Variants in SLC6A18 observed in about 807,000 individuals in gnomAD.
SLC6A18 encodes the protein solute carrier family 6 member 18, also known as inactive sodium-dependent neutral amino acid transporter B(0)AT3.
Under a neutral mutation model 62.9 loss-of-function variants are expected in SLC6A18, and 58 were observed. The ratio of observed to expected loss-of-function variants is 0.92; its 90% CI spans 0.75 to 1.15. The LOEUF (loss-of-function observed/expected upper bound fraction) is 1.15, where lower values mean the gene tolerates loss of function less well. Ranked by LOEUF, SLC6A18 falls within the 50% of genes most tolerant of loss-of-function variation. The pLI is 0.00. For missense variants in SLC6A18, 793 were observed against 836.6 expected (o/e 0.95, Z 0.64); for synonymous variants, 382 against 365.8 (o/e 1.04, Z -0.51).
At chr5:1,233,805 T>C (rs547701049) in intron 3 of SLC6A18, among the ~76,000 whole-genome samples, 2 of 150,708 alleles carry the variant, frequency 1.3e-5, no homozygotes, top group African/African-American at 2.4e-5. Flanking sequence ...GCAGTGGTGC[T>C]ATCTTGGCTC....
Position 1,246,152 on chromosome 5 carries a change from A to G in SLC6A18, c.*74A>G. 9.9e-7 allele frequency: 1 copy of G among 1,010,710 alleles called. No individual in the cohort carries two copies. Among genetic ancestry groups the G allele is most frequent in the Non-Finnish European group, 1.4e-6 (1 of 720,580 alleles). The allele number at this position is 1,010,710 out of a possible 1,614,324, so 62.6% of individuals were successfully genotyped here. A position where few individuals can be genotyped will look rare whatever the true frequency, so the allele number is the denominator to read the frequency against. ...CCTGATGGTGGGCGGGGCCCCGCCC[A>G]CAGGGCCGACCCCAATACACCAGCG... On this transcript the variant is annotated 3_prime_UTR_variant, in exon 12 of 12. Transcript: ENST00000324642.
intron 1 of SLC6A18, 112 bp downstream of exon 1, chr5:1,225,749 C>T: frequency 7.6e-7 from 1 of 1,324,090 alleles, no homozygotes; most frequent in Non-Finnish European, 1.0e-6. Context: ...AGTCACTCCT[C>T]CTGGAAACCA....
chr5:1,236,456 G>A (rs555845571), intron 4 of SLC6A18, among the ~76,000 whole-genome samples: 1 of 152,286 alleles, frequency 6.6e-6, no homozygotes, highest in South Asian at 2.1e-4. Flanking sequence ...TTTCAAAGAG[G>A]CTTAAATAAT....
At position 1,240,619 on chromosome 5, in the gene SLC6A18, G is replaced by C. The variant is rs1232896787; in HGVS notation, c.934G>C (p.Gly312Arg). The C allele has an allele frequency of 1.2e-6, 2 of 1,614,142 alleles. No homozygotes were observed. Among genetic ancestry groups the C allele is most frequent in the South Asian group, 2.2e-5 (2 of 91,084 alleles). ...GTCCATCGCTGTCTTCTCTGTCCTG[G>C]GGTTCAAAGCAACTAATGACTACGA... ...YASIAVFSVL[G>R]FKATNDYEHC... is the part of the protein sequence containing the mutation. Residue 312 changes from glycine (G) to arginine (R), a missense_variant, in exon 7 of 12, where the codon GGG becomes CGG. Gly to Arg is a moderately radical substitution (Grantham distance 125). Coordinates refer to ENST00000324642, the MANE Select transcript of SLC6A18 (RefSeq NM_182632.3).
chr5:1,239,635 T>A, intron 6 of SLC6A18, 73 bp downstream of exon 6: 1 of 1,165,132 alleles, frequency 8.6e-7, no homozygotes, highest in Admixed American at 1.7e-5. Flanking sequence ...GATCTCAGGA[T>A]CACACTGTGG....
chr5:1,243,545 T>A lies in SLC6A18; in HGVS notation c.1132-10T>A. On this transcript the variant is annotated splice_polypyrimidine_tract_variant and intron_variant, in intron 8 of 11. Coordinates refer to ENST00000324642, the MANE Select transcript of SLC6A18 (RefSeq NM_182632.3). The surrounding 1 kb of genome is among the most constrained non-coding windows in gnomAD (Gnocchi z 6.5). ...GCGTGGCCTGAAGCCCGGGGCTCCG[T>A]GTATTGCAGAGTGCCTCGGGCCCGG... The A allele has an allele frequency of 6.2e-7, 1 of 1,612,590 alleles. No homozygotes were observed.
chr5:1,244,305 T>C lies in SLC6A18; in HGVS notation c.1428T>C (p.Ala476=). 6.2e-7 allele frequency: 1 copy of C among 1,614,096 alleles called. No homozygotes were observed. Among genetic ancestry groups the C allele is most frequent in the Non-Finnish European group, 8.5e-7 (1 of 1,179,994 alleles). ...TGGAGATTTTCGACAATTTTGCCGCTTCCCCGAACCTGCTCATGTTGGCCT... is the reference window on the plus strand; with the variant it reads ...TGGAGATTTTCGACAATTTTGCCGCCTCCCCGAACCTGCTCATGTTGGCCT... ...YWLEIFDNFA[A]SPNLLMLAFL... The change falls in exon 10 of 12, where the codon GCT becomes GCC. Residue 476 remains alanine (A), a synonymous_variant. Transcript: ENST00000324642.
chr5:1,227,533 T>C (rs1341643449), intron 1 of SLC6A18, among the ~76,000 whole-genome samples: 1 of 152,248 alleles, frequency 6.6e-6, no homozygotes, highest in African/African-American at 2.4e-5. Flanking sequence ...GGATCACTCA[T>C]TGATGATTTT....
intron 5 of SLC6A18, among the ~76,000 whole-genome samples, chr5:1,238,307 A>AGGACTTTGGT (rs1746946976): frequency 9.3e-6 from 1 of 107,952 alleles, no homozygotes; most frequent in African/African-American, 3.7e-5. Flanking sequence ...GGCCTGGAGG[A>AGGACTTTGGT]CTCAGGAAAG....
intron 1 of SLC6A18, among the ~76,000 whole-genome samples, chr5:1,228,753 C>A (rs1265832779): frequency 6.6e-6 from 1 of 152,162 alleles, no homozygotes; most frequent in Non-Finnish European, 1.5e-5. Flanking sequence ...CTACTTGTAG[C>A]CCTGGCTACC....
At position 1,246,006 on chromosome 5, in the gene SLC6A18, A is replaced by AGACACGGACGCGCGCCCG. The variant is rs1561182336; in HGVS notation, c.1824_1825insGCGCGCCCGGACACGGAC (p.Ala603_Asp608dup). The AGACACGGACGCGCGCCCG allele has an allele frequency of 1.3e-6, 2 of 1,596,322 alleles. No homozygotes were observed. Among genetic ancestry groups the AGACACGGACGCGCGCCCG allele is most frequent in the Admixed American group, 1.7e-5 (1 of 59,330 alleles). The stretch of plus-strand genomic sequence containing the variant: ...CGTGGAGGGACAGGGACGCGCGCCC[A>AGACACGGACGCGCGCCCG]GACACGGACATGCGCCCGGACACGG... On this transcript the variant is annotated inframe_insertion, in exon 12 of 12. Transcript: ENST00000324642.
Position 1,237,296 on chromosome 5 carries a change from T to C in SLC6A18, c.622-654T>C, listed in dbSNP as rs115864788. Among the ~76,000 whole-genome samples the C allele has an allele frequency of 6.7e-3, 1,007 of 150,020 alleles. 20 individuals are homozygous for C. Among genetic ancestry groups the C allele is most frequent in the African/African-American group, 0.023 (928 of 40,598 alleles). ...CAGGTGATTCTGCAGTCAGTCTGTA[T>C]TGGGGGAACTGAGGAGAGGAGTGAG... On this transcript the variant is annotated intron_variant, in intron 4 of 11. Transcript: ENST00000324642.
Position 1,244,248 on chromosome 5 carries a change from C to G in SLC6A18, c.1371C>G (p.Thr457=), listed in dbSNP as rs1271057858. Residue 457 remains threonine (T), a synonymous_variant, in exon 10 of 12, where the codon ACC becomes ACG. Transcript: ENST00000324642. ...LVCLVCFLSA[T]CFTLQSGNYW... is the part of the protein sequence containing the mutation. Reference sequence around the variant, plus strand: ...GCCTGGTCTGCTTCCTCTCCGCCACCTGCTTCACGCTGCAGTCTGGGAACT... The same window carrying G: ...GCCTGGTCTGCTTCCTCTCCGCCACGTGCTTCACGCTGCAGTCTGGGAACT... 2.5e-6 allele frequency: 4 copies of G among 1,613,848 alleles called. No individual in the cohort carries two copies. The highest frequency in any genetic ancestry group is 1.3e-5 in the African/African-American group (1 of 74,868).
chr5:1,239,600 T>C (rs776725301), intron 6 of SLC6A18, 38 bp downstream of exon 6: 16 of 1,502,486 alleles, frequency 1.1e-5, no homozygotes, highest in African/African-American at 9.6e-5. Context: ...CAGGGAAGCT[T>C]TGGGGAGACG....
rs781203778 is a variant in SLC6A18, at chr5:1,240,523, G to C, written c.846-8G>C. 5 of 1,614,078 alleles carry C rather than the reference G, an allele frequency of 3.1e-6. No homozygotes were observed. The highest frequency in any genetic ancestry group is 4.2e-6 in the Non-Finnish European group (5 of 1,179,962). Reference sequence around the variant, plus strand: ...CAAAGCCTGTGATGAGCGTGCGTTTGTGCCCAGGAATGACTGCCAGAAGGA... The same window carrying C: ...CAAAGCCTGTGATGAGCGTGCGTTTCTGCCCAGGAATGACTGCCAGAAGGA... On this transcript the variant is annotated splice_region_variant and splice_polypyrimidine_tract_variant and intron_variant, in intron 6 of 11. Coordinates refer to ENST00000324642, the MANE Select transcript of SLC6A18 (RefSeq NM_182632.3).
intron 7 of SLC6A18, 25 bp downstream of exon 7, chr5:1,240,684 T>C (rs777485238): frequency 6.2e-7 from 1 of 1,611,972 alleles, no homozygotes; most frequent in Non-Finnish European, 8.5e-7. Context: ...CGCGCCTGGC[T>C]CTGTGGGGCA....
chr5:1,226,956 A>G (rs1388817878), intron 1 of SLC6A18, among the ~76,000 whole-genome samples: 1 of 109,762 alleles, frequency 9.1e-6, no homozygotes, highest in Non-Finnish European at 2.0e-5. Flanking sequence ...TGCCTTGCCC[A>G]ACGCCTTGCC....
At position 1,243,681 on chromosome 5, in the gene SLC6A18, G is replaced by C; in HGVS notation, c.1258G>C (p.Gly420Arg). 1 of 1,614,010 alleles carries C rather than the reference G, an allele frequency of 6.2e-7. No individual in the cohort carries two copies. Among genetic ancestry groups the C allele is most frequent in the Non-Finnish European group, 8.5e-7 (1 of 1,179,980 alleles). ...LFTLGLSTMF[G>R]TVEAVITPLL... ...CACCTTGGGGCTATCGACCATGTTC[G>C]GGACCGTGGAGGCGGTCATCACACC... Residue 420 changes from glycine to arginine, a missense_variant, in exon 9 of 12, where the codon GGG (glycine) becomes CGG (arginine). By Grantham distance (125) the Gly-to-Arg change is moderately radical. Coordinates refer to ENST00000324642, the MANE Select transcript of SLC6A18 (RefSeq NM_182632.3). The surrounding 1 kb of genome is among the most constrained non-coding windows in gnomAD (Gnocchi z 6.5).
intron 9 of SLC6A18, 147 bp from the exon 10 acceptor site, chr5:1,244,067 T>C (rs1324558926): frequency 3.0e-6 from 2 of 675,274 alleles, no homozygotes; most frequent in Non-Finnish European, 5.0e-6. Flanking sequence ...GGATGGAGGG[T>C]GGGAAGCCGA....
Sources: allele counts gnomAD v4.1 joint callset (sites outside exome capture counted in the v4.1 genomes callset), GRCh38; gene constraint gnomAD v4.1.1; non-coding constraint Gnocchi (gnomAD v3.1); transcripts MANE v1.5; gene names NCBI Gene and HGNC (gene_info 2026-07-23, HGNC 2026-07-21).